The following TRPM2 variants were observed in gnomAD, a reference collection of about 807,000 sequenced individuals.
The protein encoded by TRPM2 is estrogen-responsive element-associated gene 1 protein.
In TRPM2, 161 loss-of-function variants were observed where a neutral mutation model predicts 174.0. That is an observed-to-expected ratio of 0.93 (90% CI 0.81 to 1.05). The LOEUF (loss-of-function observed/expected upper bound fraction) is 1.05, where lower values mean the gene tolerates loss of function less well. TRPM2 is among the 50% of genes least tolerant of loss of function. The pLI is 0.00. For missense variants in TRPM2, 2,057 were observed against 2,038.0 expected (o/e 1.01, Z -0.18); for synonymous variants, 954 against 861.3 (o/e 1.11, Z -1.88).
rs1225296839 is a variant in TRPM2, at chr21:44,441,855, T to A, written c.*38T>A. The A allele has an allele frequency of 1.3e-6, 2 of 1,555,640 alleles. No individual in the cohort carries two copies. The highest frequency in any genetic ancestry group is 8.7e-7 in the Non-Finnish European group (1 of 1,147,976). ...GCTGGGCGGCTCCAGTCCATAGACG[T>A]TCCCCCCAGAAACCAGGGCTTCTCT... On this transcript the variant is annotated 3_prime_UTR_variant, in exon 32 of 32. Transcript: ENST00000397928.
chr21:44,408,079 G>A (rs2049966408), intron 19 of TRPM2, among the ~76,000 whole-genome samples: 1 of 151,754 alleles, frequency 6.6e-6, no homozygotes, highest in Admixed American at 6.6e-5. Flanking sequence ...CCGAGTAGCT[G>A]GGATTACAGG....
Position 44,418,023 on chromosome 21 carries a change from G to GC in TRPM2, c.3249dup (p.Phe1084LeufsTer71), listed in dbSNP as rs781655181. 1.9e-6 allele frequency: 3 copies of GC among 1,612,898 alleles called. No individual in the cohort carries two copies. The highest frequency in any genetic ancestry group is 2.5e-6 in the Non-Finnish European group (3 of 1,180,002). On this transcript the variant is annotated frameshift_variant, in exon 21 of 32. Coordinates refer to ENST00000397928, the MANE Select transcript of TRPM2 (RefSeq NM_003307.4). LOFTEE classifies it high-confidence loss of function. Reference sequence around the variant, plus strand: ...AGTACCACGGCCGCCCCGCCGCGCCGCCCCCCTTCATCCTCCTCAGCCACC... The same window carrying GC: ...AGTACCACGGCCGCCCCGCCGCGCCGCCCCCCCTTCATCCTCCTCAGCCACC...
rs372563924 is a variant in TRPM2, at chr21:44,435,961, A to T, written c.4061+744A>T. ...AGCCCCACACTCACCCCTCAGACTC[A>T]CTCTCTACTCCCATCCACAGGGACA... On this transcript the variant is annotated intron_variant, in intron 28 of 31. Transcript: ENST00000397928. Among the ~76,000 whole-genome samples, 568 of 94,114 alleles carry T rather than the reference A, an allele frequency of 6.0e-3. No homozygotes were observed. The Middle Eastern group carries it at 0.065, about 11-fold the overall frequency. 61.7% of individuals were successfully genotyped at this position (94,114 alleles called of 152,430 possible).
chr21:44,394,520 T>C (rs951804159), intron 11 of TRPM2, among the ~76,000 whole-genome samples: 6 of 151,698 alleles, frequency 4.0e-5, no homozygotes, highest in South Asian at 2.1e-4. Flanking sequence ...GGGGTTTCAC[T>C]GCGTTAGCCA....
chr21:44,410,496 A>T (rs1257937247), intron 19 of TRPM2, among the ~76,000 whole-genome samples: 1 of 56,898 alleles, frequency 1.8e-5, no homozygotes. Context: ...TTTTGACCGC[A>T]CTGTCTTGGC....
At chr21:44,396,453 G>C (rs1263309538) in intron 12 of TRPM2, among the ~76,000 whole-genome samples, 2 of 9,550 alleles carry the variant, frequency 2.1e-4, no homozygotes, top group East Asian at 4.3e-3. Context: ...CTGTGGAGGG[G>C]TGTGGAGGGG....
intron 5 of TRPM2, among the ~76,000 whole-genome samples, chr21:44,372,388 G>A (rs566042747): frequency 6.6e-6 from 1 of 151,534 alleles, no homozygotes; most frequent in Non-Finnish European, 1.5e-5. Flanking sequence ...CCCAGCTACT[G>A]GGAGGCCAAG....
chr21:44,398,206 G>GT (rs34051764), intron 13 of TRPM2, among the ~76,000 whole-genome samples: 98,211 of 144,808 alleles, frequency 0.68, 33,432 homozygotes, highest in East Asian at 0.73. Flanking sequence ...TTTGGAGACT[G>GT]TTTTTTTTTT....
At chr21:44,361,837 T>C (rs557117989) in intron 2 of TRPM2, among the ~76,000 whole-genome samples, 1 of 152,310 alleles carries the variant, frequency 6.6e-6, no homozygotes, top group South Asian at 2.1e-4. Flanking sequence ...GTCTCCTGAA[T>C]AGCTGGGACT....
intron 31 of TRPM2, among the ~76,000 whole-genome samples, chr21:44,441,242 G>A (rs965934904): frequency 8.4e-5 from 3 of 35,554 alleles, no homozygotes; most frequent in Non-Finnish European, 1.5e-4. Context: ...GGCTGGCCAG[G>A]CGACCATAGG....
upstream of TRPM2, among the ~76,000 whole-genome samples, chr21:44,352,338 GA>G (rs2123000677): frequency 1.7e-4 from 26 of 152,362 alleles, no homozygotes; most frequent in African/African-American, 5.8e-4. Flanking sequence ...GGAGGAGGGA[GA>G]GGGGGAGGTG....
At chr21:44,385,785 A>G (rs2049000860) in intron 9 of TRPM2, among the ~76,000 whole-genome samples, 1 of 152,208 alleles carries the variant, frequency 6.6e-6, no homozygotes, top group South Asian at 2.1e-4. Flanking sequence ...TGTCTTCACA[A>G]GGTGACAGGA....
chr21:44,414,795 G>A (rs767436814), intron 20 of TRPM2: 2 of 152,108 alleles, frequency 1.3e-5, no homozygotes, highest in African/African-American at 2.4e-5. Context: ...TGCACATTTG[G>A]GCGGAGTTAC....
chr21:44,360,704 C>G (rs1182840568), intron 2 of TRPM2, among the ~76,000 whole-genome samples: 1 of 151,714 alleles, frequency 6.6e-6, no homozygotes, highest in African/African-American at 2.4e-5. Context: ...GTAGCTGGGA[C>G]TACAGGTGAG....
Position 44,413,901 on chromosome 21 carries a change from C to T in TRPM2, c.2973C>T (p.Phe991=). Reference sequence around the variant, plus strand: ...CATTCCCAACGCCAGGTGTGAACTTCAACCCGGAGCACTGCAGCCCCAATG... The same window carrying T: ...CATTCCCAACGCCAGGTGTGAACTTTAACCCGGAGCACTGCAGCCCCAATG... The part of the protein sequence containing the change: ...QIPGYIDGVN[F]NPEHCSPNGT... Residue 991 remains phenylalanine, a synonymous_variant, in exon 20 of 32, where the codon TTC becomes TTT. Transcript: ENST00000397928. 1 of 1,611,416 alleles carries T rather than the reference C, an allele frequency of 6.2e-7. No homozygotes were observed. Among genetic ancestry groups the T allele is most frequent in the Non-Finnish European group, 8.5e-7 (1 of 1,177,912 alleles).
In TRPM2 at chr21:44,367,653, G is replaced by C. The variant is rs1008351689; in HGVS notation, c.604+719G>C. 1.3e-5 allele frequency among the ~76,000 whole-genome samples: 2 copies of C among 152,204 alleles called. No homozygotes were observed. Among genetic ancestry groups the C allele is most frequent in the African/African-American group, 4.8e-5 (2 of 41,458 alleles). On this transcript the variant is annotated intron_variant, in intron 4 of 31. Coordinates refer to ENST00000397928, the MANE Select transcript of TRPM2 (RefSeq NM_003307.4). The surrounding 1 kb of genome is among the most constrained non-coding windows in gnomAD (Gnocchi z 4.6). ...GACTGTGGATGAATAGTGAGGCCCT[G>C]AGGTGACTACTTGGCAATGTTGCGT...
intron 5 of TRPM2, among the ~76,000 whole-genome samples, chr21:44,374,716 C>T (rs557533559): frequency 3.9e-5 from 6 of 152,086 alleles, no homozygotes; most frequent in African/African-American, 7.2e-5. Flanking sequence ...AGGTGGAGCT[C>T]GGACAGTCAC....
Position 44,423,976 on chromosome 21 carries a change from T to C in TRPM2, c.3549+244T>C, listed in dbSNP as rs550650093. Among the ~76,000 whole-genome samples, 175 of 152,290 alleles carry C rather than the reference T, an allele frequency of 1.1e-3. 2 individuals are homozygous for C. Among genetic ancestry groups the C allele is most frequent in the South Asian group, 5.4e-3 (26 of 4,822 alleles). On this transcript the variant is annotated intron_variant, in intron 23 of 31. Coordinates refer to ENST00000397928, the MANE Select transcript of TRPM2 (RefSeq NM_003307.4). ...TGAGGCCTCCACGGCCGGGCTGTGC[T>C]CCTCGCTGCTCCCAGGAAACAGAGT...
chr21:44,374,014 T>C (rs981258890), intron 5 of TRPM2, among the ~76,000 whole-genome samples: 6 of 149,100 alleles, frequency 4.0e-5, no homozygotes, highest in African/African-American at 1.3e-4. Flanking sequence ...TCTCTCTCTC[T>C]CTTTTTTTTT....
Sources: allele counts gnomAD v4.1 joint callset (sites outside exome capture counted in the v4.1 genomes callset), GRCh38; gene constraint gnomAD v4.1.1; non-coding constraint Gnocchi (gnomAD v3.1); transcripts MANE v1.5; gene names NCBI Gene and HGNC (gene_info 2026-07-23, HGNC 2026-07-21).